Variants in COL6A3 observed in about 807,000 individuals in gnomAD.
COL6A3 encodes the protein collagen alpha-3(VI) chain.
In COL6A3, 137 loss-of-function variants were observed where a neutral mutation model predicts 274.1. The observed-to-expected ratio is 0.50, with a 90% CI of 0.44 to 0.58. The LOEUF is 0.58. Among genes scored for constraint, COL6A3 ranks in the 20% least tolerant of loss-of-function variants. COL6A3 has a pLI of 0.00. For synonymous variants in COL6A3, 1,650 were observed against 1,650.6 expected (o/e 1.00, Z 0.01); for missense variants, 3,950 against 4,124.9 (o/e 0.96, Z 1.16).
rs894418118 is a variant in COL6A3, at chr2:237,338,328, C to G, written c.8567+687G>C. On this transcript the variant is annotated intron_variant, in intron 39 of 43. Transcript: ENST00000295550. The stretch of plus-strand genomic sequence containing the variant: ...ACCACATGGAGCAGAGATGAGCCAG[C>G]CCATCTGAGACCACTCTAGACCAGC... 3.9e-5 allele frequency among the ~76,000 whole-genome samples: 6 copies of G among 152,182 alleles called. 1 individual carries two copies. In the South Asian group the frequency reaches 1.2e-3, roughly 32 times the overall value.
chr2:237,380,903 T>A lies in COL6A3; in HGVS notation c.1897+12A>T. The A allele has an allele frequency of 6.2e-7, 1 of 1,613,088 alleles. No individual in the cohort carries two copies. ...CCACCCCATTGTGTGTCTGAAGCCATCACCACCATACCTTCAGGGGTTCCA... is the reference window on the plus strand; with the variant it reads ...CCACCCCATTGTGTGTCTGAAGCCAACACCACCATACCTTCAGGGGTTCCA... On this transcript the variant is annotated intron_variant, in intron 5 of 43. Transcript: ENST00000295550.
chr2:237,371,789 T>G lies in COL6A3; in HGVS notation c.4228A>C (p.Thr1410Pro). ...TTCTGGATCTGCTCTGAGGTCAGGG[T>G]CGTGATGGGCGTCAGCAGTTTCTGC... ...LEQKLLTPIT[T>P]LTSEQIQKLL... The change falls in exon 9 of 44, where the codon ACC becomes CCC. Residue 1410 changes from threonine to proline, a missense_variant. Coordinates refer to ENST00000295550, the MANE Select transcript of COL6A3 (RefSeq NM_004369.4). The surrounding 1 kb of genome is among the most constrained non-coding windows in gnomAD (Gnocchi z 4.3). The G allele has an allele frequency of 6.2e-7, 1 of 1,613,524 alleles. No individual in the cohort carries two copies. Among genetic ancestry groups the G allele is most frequent in the Non-Finnish European group, 8.5e-7 (1 of 1,179,900 alleles).
At position 237,412,167 on chromosome 2, in the gene COL6A3, C is replaced by G. The variant is rs760877677; in HGVS notation, c.-31+1786G>C. ...TGATCTTTGTAAAAGCCACGCCTCC[C>G]CACCCAGGCTTTCATCCTCAGCTAC... is the stretch of plus-strand genomic sequence containing the variant. On this transcript the variant is annotated intron_variant, in intron 1 of 43. Transcript: ENST00000295550. 2.0e-5 allele frequency among the ~76,000 whole-genome samples: 3 copies of G among 152,232 alleles called. No individual in the cohort carries two copies. The South Asian group carries it at 6.2e-4, about 31-fold the overall frequency.
rs147546808 is a variant in COL6A3, at chr2:237,381,241, T to A, written c.1571A>T (p.Tyr524Phe). The A allele has an allele frequency of 6.2e-7, 1 of 1,614,152 alleles. No homozygotes were observed. Among genetic ancestry groups the A allele is most frequent in the Admixed American group, 1.7e-5 (1 of 60,016 alleles). Reference protein sequence around the residue: ...KMKPLDGSALYTGSALDFVRN... With the variant: ...KMKPLDGSALFTGSALDFVRN... ...AACAAAGTCTAGAGCAGAGCCCGTGTACAGGGCCGAGCCGTCCAGGGGCTT... is the reference window on the plus strand; with the variant it reads ...AACAAAGTCTAGAGCAGAGCCCGTGAACAGGGCCGAGCCGTCCAGGGGCTT... Residue 524 changes from tyrosine to phenylalanine, a missense_variant, in exon 5 of 44, where the codon TAC (tyrosine) becomes TTC (phenylalanine). This residue lies in a region of COL6A3 where 1,934 missense variants were observed against 1,984.3 expected (regional missense o/e 0.97). Transcript: ENST00000295550.
chr2:237,336,719 T>A (rs188731136), intron 39 of COL6A3, among the ~76,000 whole-genome samples, 187 bp from the exon 40 acceptor site: 17 of 152,316 alleles, frequency 1.1e-4, no homozygotes, highest in Non-Finnish European at 2.1e-4. Context: ...AAAAAAGATA[T>A]GGAACAGCAT....
In COL6A3 at chr2:237,345,304, C is replaced by T. The variant is rs1022303213; in HGVS notation, c.7093-91G>A. ...GCCCCCAGAAATACACAGAGCAAGA[C>T]AAAGGGGCCCCTGGATAACCTTGAT... is the stretch of plus-strand genomic sequence containing the variant. On this transcript the variant is annotated intron_variant, in intron 32 of 43. Transcript: ENST00000295550. 6.2e-6 allele frequency: 8 copies of T among 1,282,792 alleles called. No homozygotes were observed. The African/African-American group carries it at 8.8e-5, about 14-fold the overall frequency. The allele number at this position is 1,282,792 out of a possible 1,614,324, so 79.5% of individuals were successfully genotyped here.
chr2:237,329,907 C>A (rs1412426248), intron 42 of COL6A3: 1 of 152,198 alleles, frequency 6.6e-6, no homozygotes, highest in Non-Finnish European at 1.5e-5. Flanking sequence ...ATGGTTCCTT[C>A]AGGGCTATAC....
chr2:237,324,460 C>T lies in COL6A3; in HGVS notation c.*314G>A. ...TTCTAGACTTTACATTTGCCTGCAA[C>T]AGGCATAACATGAAACTCCAGAGGG... On this transcript the variant is annotated 3_prime_UTR_variant, in exon 44 of 44. Coordinates refer to ENST00000295550, the MANE Select transcript of COL6A3 (RefSeq NM_004369.4). 3.0e-6 allele frequency: 1 copy of T among 334,670 alleles called. No individual in the cohort carries two copies. The highest frequency in any genetic ancestry group is 4.4e-5 in the South Asian group (1 of 22,776). The allele number at this position is 334,670 out of a possible 1,614,324, so 20.7% of individuals were successfully genotyped here.
chr2:237,329,793 T>C (rs932837680), intron 42 of COL6A3: 1 of 152,228 alleles, frequency 6.6e-6, no homozygotes, highest in Non-Finnish European at 1.5e-5. Context: ...TAAACCATGA[T>C]ATATTGTCAA....
At position 237,364,803 on chromosome 2, in the gene COL6A3, ATGTGTGTGCACG is replaced by A. The variant is rs1431877613; in HGVS notation, c.5839-387_5839-376del. Among the ~76,000 whole-genome samples the A allele has an allele frequency of 4.1e-5, 4 of 97,920 alleles. No individual in the cohort carries two copies. The highest frequency in any genetic ancestry group is 1.2e-4 in the Admixed American group (1 of 8,028). The allele number at this position is 97,920 out of a possible 152,430, so 64.2% of individuals were successfully genotyped here. ...GTGTGTATGGGTGCATTGTGTGTGC[ATGTGTGTGCACG>A]TGTGTGTGCATGTGTGGGTGTGTGG... On this transcript the variant is annotated intron_variant, in intron 12 of 43. Coordinates refer to ENST00000295550, the MANE Select transcript of COL6A3 (RefSeq NM_004369.4). The surrounding 1 kb of genome is among the most constrained non-coding windows in gnomAD (Gnocchi z 4.6).
In COL6A3 at chr2:237,396,958, G is replaced by T. The variant is rs1260232343; in HGVS notation, c.-30-111C>A. The T allele has an allele frequency of 4.1e-6, 3 of 735,550 alleles. No individual in the cohort carries two copies. The East Asian group carries it at 8.2e-5, about 20-fold the overall frequency. The allele number at this position is 735,550 out of a possible 1,614,324, so 45.6% of individuals were successfully genotyped here. ...CTTTTTAGACTTCCAAGAAGACTTT[G>T]TATCTGATTCATTCTTTGAACCAGC... On this transcript the variant is annotated intron_variant, in intron 1 of 43. Coordinates refer to ENST00000295550, the MANE Select transcript of COL6A3 (RefSeq NM_004369.4).
chr2:237,373,238 T>C (rs1465305611), intron 8 of COL6A3, among the ~76,000 whole-genome samples: 1 of 152,106 alleles, frequency 6.6e-6, no homozygotes, highest in African/African-American at 2.4e-5. Context: ...ACTGTGACAA[T>C]ATTCCCAAAG....
chr2:237,339,665 T>C (rs1487977723), intron 38 of COL6A3, among the ~76,000 whole-genome samples: 1 of 152,194 alleles, frequency 6.6e-6, no homozygotes, highest in African/African-American at 2.4e-5. Flanking sequence ...ATTTAGCATA[T>C]ACATGTTTAT....
intron 11 of COL6A3, 71 bp downstream of exon 11, chr2:237,366,615 AG>A: frequency 6.2e-7 from 1 of 1,611,008 alleles, no homozygotes; most frequent in Non-Finnish European, 8.5e-7. Flanking sequence ...GGTCAGCACC[AG>A]GGACCAGACA....
At position 237,361,310 on chromosome 2, in the gene COL6A3, C is replaced by T. The variant is rs1234851815; in HGVS notation, c.6157-136G>A. 6.5e-6 allele frequency: 5 copies of T among 767,818 alleles called. No homozygotes were observed. The highest frequency in any genetic ancestry group is 4.5e-5 in the South Asian group (3 of 67,298). The allele number at this position is 767,818 out of a possible 1,614,324, so 47.6% of individuals were successfully genotyped here. A position where few individuals can be genotyped will look rare whatever the true frequency, so the allele number is the denominator to read the frequency against. ...GGCTTTCCCTGTTACTGCTTTTCCC[C>T]TCAGTACACCATGTCACGATTCTCT... On this transcript the variant is annotated intron_variant, in intron 15 of 43. Coordinates refer to ENST00000295550, the MANE Select transcript of COL6A3 (RefSeq NM_004369.4). This position sits in a 1 kb window ranked among gnomAD's most constrained non-coding sequence, Gnocchi z 5.1.
chr2:237,372,067 T>A lies in COL6A3; in HGVS notation c.3950A>T (p.Glu1317Val). Residue 1317 changes from glutamate to valine, a missense_variant, in exon 9 of 44, where the codon GAG (glutamate) becomes GTG (valine). Transcript: ENST00000295550. ...CTTGAAGATGTTCCTGGACACGTAC[T>A]CCAGGGCATTGCCCACGTTGATCTG... ...GRQINVGNALEYVSRNIFKRP... is the reference protein window; with the variant it reads ...GRQINVGNALVYVSRNIFKRP... 6.2e-7 allele frequency: 1 copy of A among 1,614,066 alleles called. No homozygotes were observed. The highest frequency in any genetic ancestry group is 1.1e-5 in the South Asian group (1 of 91,080).
intron 4 of COL6A3, among the ~76,000 whole-genome samples, chr2:237,382,353 A>T (rs1253603632): frequency 6.6e-6 from 1 of 152,204 alleles, no homozygotes; most frequent in Non-Finnish European, 1.5e-5. Flanking sequence ...ACTGCACTCC[A>T]GCCTGGGTGA....
intron 5 of COL6A3, 145 bp from the exon 6 acceptor site, chr2:237,379,380 G>A: frequency 2.0e-6 from 2 of 1,003,758 alleles, no homozygotes; most frequent in Non-Finnish European, 3.0e-6. Flanking sequence ...GTAAAATATG[G>A]CAGATGGCTG....
rs150422369 is a variant in COL6A3, at chr2:237,333,750, C to T, written c.9230-202G>A. The stretch of plus-strand genomic sequence containing the variant: ...GTTGGATCCATGAGCTAATAAGCGA[C>T]GGGAGGGGATCCCTGAACTTCTGAA... On this transcript the variant is annotated intron_variant, in intron 41 of 43. Coordinates refer to ENST00000295550, the MANE Select transcript of COL6A3 (RefSeq NM_004369.4). Among the ~76,000 whole-genome samples, 456 of 152,268 alleles carry T rather than the reference C, an allele frequency of 3.0e-3. 1 individual carries two copies. Among genetic ancestry groups the T allele is most frequent in the African/African-American group, 0.01 (417 of 41,552 alleles).
Sources: allele counts gnomAD v4.1 joint callset (sites outside exome capture counted in the v4.1 genomes callset), GRCh38; gene constraint gnomAD v4.1.1; regional missense constraint gnomAD v4.1.1; non-coding constraint Gnocchi (gnomAD v3.1); transcripts MANE v1.5; gene names NCBI Gene and HGNC (gene_info 2026-07-23, HGNC 2026-07-21).